The following GPRC5A variants were observed in gnomAD, a reference collection of about 807,000 sequenced individuals.
GPRC5A encodes retinoic acid-induced protein 3.
A neutral mutation model predicts 22.5 loss-of-function variants in GPRC5A; 19 were observed. The ratio of observed to expected loss-of-function variants is 0.85; its 90% CI spans 0.59 to 1.24. The LOEUF (loss-of-function observed/expected upper bound fraction) is 1.24, where lower values mean the gene tolerates loss of function less well. GPRC5A is among the 50% of genes most tolerant of loss of function. GPRC5A has a pLI of 0.00. For missense variants in GPRC5A, 471 were observed against 451.1 expected (o/e 1.04, Z -0.40); for synonymous variants, 192 against 184.5 (o/e 1.04, Z -0.33).
At chr12:12,898,086 A>G (rs1377026336) in intron 1 of GPRC5A, among the ~76,000 whole-genome samples, 1 of 152,154 alleles carries the variant, frequency 6.6e-6, no homozygotes, top group Non-Finnish European at 1.5e-5. Flanking sequence ...ACCAACCCAT[A>G]TGCCCACGGT....
chr12:12,904,323 C>T (rs554140934), intron 1 of GPRC5A, among the ~76,000 whole-genome samples: 1 of 152,300 alleles, frequency 6.6e-6, no homozygotes, highest in South Asian at 2.1e-4. Context: ...ACCTCATTTG[C>T]CTTTTTCTTC....
chr12:12,909,937 T>TAAAAAA (rs1158941504), intron 2 of GPRC5A: 1 of 95,340 alleles, frequency 1.0e-5, no homozygotes, highest in Non-Finnish European at 2.0e-5. Flanking sequence ...CATCTCTATT[T>TAAAAAA]AAAAAAAAAA....
rs59601728 is a variant in GPRC5A, at chr12:12,917,212, C to CTGTGTG, written c.*4708_*4713dup. ...GGATGTTCCAAGGATGCTGCTGGAT[C>CTGTGTG]TGTGTGTGTGTGTGTGTGTGTGTGT... On this transcript the variant is annotated 3_prime_UTR_variant, in exon 4 of 4. Transcript: ENST00000014914. The CTGTGTG allele has an allele frequency of 0.041, 5,646 of 138,968 alleles. 120 individuals are homozygous for CTGTGTG. Among genetic ancestry groups the CTGTGTG allele is most frequent in the South Asian group, 0.052 (216 of 4,178 alleles). 8.6% of individuals were successfully genotyped at this position (138,968 alleles called of 1,614,324 possible).
chr12:12,893,264 G>A (rs1348921428), intron 1 of GPRC5A, among the ~76,000 whole-genome samples: 2 of 152,148 alleles, frequency 1.3e-5, no homozygotes, highest in African/African-American at 4.8e-5. Flanking sequence ...TGCACACGTC[G>A]CCTTGGAAGT....
chr12:12,904,657 T>C (rs1320974075), intron 1 of GPRC5A, among the ~76,000 whole-genome samples: 2 of 152,204 alleles, frequency 1.3e-5, no homozygotes, highest in Non-Finnish European at 2.9e-5. Context: ...AGCCAAATTT[T>C]ATTAAAATTC....
intron 1 of GPRC5A, among the ~76,000 whole-genome samples, chr12:12,892,920 G>A (rs568419797): frequency 1.3e-5 from 2 of 152,210 alleles, no homozygotes; most frequent in Admixed American, 1.3e-4. Flanking sequence ...AGGGCGGAGG[G>A]GGCACACACC....
intron 1 of GPRC5A, among the ~76,000 whole-genome samples, chr12:12,904,950 A>T (rs1478257091): frequency 6.9e-6 from 1 of 144,552 alleles, no homozygotes; most frequent in African/African-American, 2.6e-5. Context: ...CAGTGGCATG[A>T]TCCCCGCTCA....
At chr12:12,911,703 T>C (rs575550730) in intron 2 of GPRC5A, among the ~76,000 whole-genome samples, 17 of 152,140 alleles carry the variant, frequency 1.1e-4, no homozygotes, top group Non-Finnish European at 1.8e-4. Flanking sequence ...TTAGCCAGGA[T>C]GGTCTCGATC....
At chr12:12,910,884 T>C (rs1462042186) in intron 2 of GPRC5A, among the ~76,000 whole-genome samples, 1 of 151,658 alleles carries the variant, frequency 6.6e-6, no homozygotes, top group Non-Finnish European at 1.5e-5. Context: ...TTTTTTTTTT[T>C]TTTTGAGACA....
intron 1 of GPRC5A, among the ~76,000 whole-genome samples, chr12:12,900,891 C>CAAAAAAAA (rs756416857): frequency 3.7e-4 from 8 of 21,652 alleles, no homozygotes; most frequent in African/African-American, 1.2e-3. Flanking sequence ...AACTCCGTCT[C>CAAAAAAAA]AAAAAAAAAA....
intron 2 of GPRC5A, 167 bp downstream of exon 2, chr12:12,909,338 G>C: frequency 1.7e-6 from 1 of 585,680 alleles, no homozygotes; most frequent in South Asian, 2.3e-5. Context: ...CAGCCTGTTA[G>C]AGACAAGTAG....
At chr12:12,902,511 C>T (rs1398942500) in intron 1 of GPRC5A, among the ~76,000 whole-genome samples, 1 of 151,920 alleles carries the variant, frequency 6.6e-6, no homozygotes, top group African/African-American at 2.4e-5. Flanking sequence ...ACCTGTAATC[C>T]CAGCACTTTG....
At position 12,915,053 on chromosome 12, in the gene GPRC5A, C is replaced by T. The variant is rs1270506967; in HGVS notation, c.*2514C>T. On this transcript the variant is annotated 3_prime_UTR_variant, in exon 4 of 4. Transcript: ENST00000014914. ...TTTTTTTTTTTGAGACAGGGTCTAG[C>T]TCTATGGCCCAGGCTGGAGTGCAGT... 5.3e-5 allele frequency: 7 copies of T among 132,430 alleles called. No individual in the cohort carries two copies. Among genetic ancestry groups the T allele is most frequent in the Non-Finnish European group, 1.1e-4 (7 of 65,044 alleles). The allele number at this position is 132,430 out of a possible 1,614,324, so 8.2% of individuals were successfully genotyped here. A position where few individuals can be genotyped will look rare whatever the true frequency, so the allele number is the denominator to read the frequency against.
chr12:12,912,138 T>C lies in GPRC5A; in HGVS notation c.977T>C (p.Leu326Pro), dbSNP rs771806428. ...GCCCCCTATTCCACACATTTTCAGC[T>C]GCAGGTAAGTGATTTTTTTCTCCCT... ...LYAPYSTHFQ[L>P]QNQPPQKEFS... The change falls in exon 3 of 4, where the codon CTG becomes CCG. Residue 326 changes from leucine to proline, a missense_variant. Physicochemically the swap from Leu to Pro is moderately conservative, Grantham distance 98. Coordinates refer to ENST00000014914, the MANE Select transcript of GPRC5A (RefSeq NM_003979.4). 2 of 1,608,214 alleles carry C rather than the reference T, an allele frequency of 1.2e-6. No individual in the cohort carries two copies. The highest frequency in any genetic ancestry group is 1.7e-6 in the Non-Finnish European group (2 of 1,174,560).
At chr12:12,909,408 G>T (rs1863980537) in intron 2 of GPRC5A, 4 of 442,300 alleles carry the variant, frequency 9.0e-6, no homozygotes, top group Non-Finnish European at 1.6e-5. Flanking sequence ...TGTAGACTGG[G>T]AGAGCCCTCC....
At chr12:12,898,373 A>G (rs1234442331) in intron 1 of GPRC5A, among the ~76,000 whole-genome samples, 2 of 152,104 alleles carry the variant, frequency 1.3e-5, no homozygotes, top group East Asian at 1.9e-4. Flanking sequence ...ACCTCTACAA[A>G]AAATACAAAA....
chr12:12,898,404 C>T (rs570750459), intron 1 of GPRC5A, among the ~76,000 whole-genome samples: 183 of 151,958 alleles, frequency 1.2e-3, no homozygotes, highest in South Asian at 2.5e-3. Context: ...TGTGGTGGTG[C>T]GCACCTGTCC....
intron 1 of GPRC5A, among the ~76,000 whole-genome samples, chr12:12,893,823 G>A (rs148093335): frequency 0.017 from 2,616 of 152,198 alleles, 81 homozygotes; most frequent in African/African-American, 0.06. Context: ...ACGTGATCTC[G>A]GCTCACTGAA....
Position 12,908,550 on chromosome 12 carries a change from TTTGGGATCC to T in GPRC5A, c.303_311del (p.Gly102_Leu104del). On this transcript the variant is annotated inframe_deletion, in exon 2 of 4. Coordinates refer to ENST00000014914, the MANE Select transcript of GPRC5A (RefSeq NM_003979.4). ...CACAGGGCCCACACGCTTCTTCCTC[TTTGGGATCC>T]TCTTTTCCATCTGCTTCTCCTGCCT... 1 of 1,614,176 alleles carries T rather than the reference TTTGGGATCC, an allele frequency of 6.2e-7. No individual in the cohort carries two copies. The highest frequency in any genetic ancestry group is 8.5e-7 in the Non-Finnish European group (1 of 1,180,042).
Sources: allele counts gnomAD v4.1 joint callset (sites outside exome capture counted in the v4.1 genomes callset), GRCh38; gene constraint gnomAD v4.1.1; transcripts MANE v1.5; gene names NCBI Gene and HGNC (gene_info 2026-07-23, HGNC 2026-07-21).